The following UBE2E1 variants were observed in gnomAD, a reference collection of about 807,000 sequenced individuals.
UBE2E1 encodes ubiquitin-conjugating enzyme E2 E1.
Under a neutral mutation model 21.4 loss-of-function variants are expected in UBE2E1, and 6 were observed. That is an observed-to-expected ratio of 0.28 (90% CI 0.15 to 0.55). The LOEUF (loss-of-function observed/expected upper bound fraction) is 0.55. Ranked by LOEUF, UBE2E1 falls within the 20% of genes least tolerant of loss-of-function variation. UBE2E1 has a pLI of 0.93. For synonymous variants in UBE2E1, 87 were observed against 82.7 expected, an observed-to-expected ratio of 1.05 and a Z score of -0.28; for missense variants, 142 against 236.5, an observed-to-expected ratio of 0.60 and a Z score of 2.62.
rs1049162403 is a variant in UBE2E1, at chr3:23,810,135, C to T, written c.153-1325C>T. ...CGTATCCTTTGTGAATTAGATTGCTCTGTGTGTGTGTTTAAAATTTTTTTA... is the reference window on the plus strand; with the variant it reads ...CGTATCCTTTGTGAATTAGATTGCTTTGTGTGTGTGTTTAAAATTTTTTTA... On this transcript the variant is annotated intron_variant, in intron 2 of 5. Coordinates refer to ENST00000306627, the MANE Select transcript of UBE2E1 (RefSeq NM_003341.5). This position sits in a 1 kb window ranked among gnomAD's most constrained non-coding sequence, Gnocchi z 5.8. 1.3e-5 allele frequency among the ~76,000 whole-genome samples: 2 copies of T among 152,152 alleles called. No individual in the cohort carries two copies. The highest frequency in any genetic ancestry group is 1.9e-4 in the East Asian group (1 of 5,204).
intron 5 of UBE2E1, chr3:23,889,536 T>TTTC: frequency 7.2e-7 from 1 of 1,387,184 alleles, no homozygotes; most frequent in South Asian, 1.7e-5. Context: ...TCCTTTTTTT[T>TTTC]TCCTGTTGCT....
At chr3:23,837,541 C>CA (rs1230482562) in intron 3 of UBE2E1, among the ~76,000 whole-genome samples, 4 of 152,194 alleles carry the variant, frequency 2.6e-5, no homozygotes, top group Non-Finnish European at 5.9e-5. Context: ...CATCCCAGTC[C>CA]AACTTGCTAT....
At chr3:23,852,355 T>G (rs7617802) in intron 3 of UBE2E1, among the ~76,000 whole-genome samples, 2 of 152,224 alleles carry the variant, frequency 1.3e-5, no homozygotes, top group East Asian at 1.9e-4. Context: ...TTTATTCTTA[T>G]GTATTTTACT....
At chr3:23,889,869 TG>T in intron 5 of UBE2E1, 1 of 547,226 alleles carries the variant, frequency 1.8e-6, no homozygotes, top group Non-Finnish European at 2.3e-6. Context: ...CATTCCAGCC[TG>T]GGTGGCAAAG....
chr3:23,827,177 A>T (rs1699776056), intron 3 of UBE2E1, among the ~76,000 whole-genome samples: 1 of 151,654 alleles, frequency 6.6e-6, no homozygotes, highest in Admixed American at 6.6e-5. Context: ...ACCAAATAAT[A>T]AAAAAAATCA....
At chr3:23,844,165 C>A (rs1380155026) in intron 3 of UBE2E1, among the ~76,000 whole-genome samples, 1 of 152,144 alleles carries the variant, frequency 6.6e-6, no homozygotes, top group Non-Finnish European at 1.5e-5. Flanking sequence ...GAGCCCTCCC[C>A]TTCCCCCAGT....
intron 3 of UBE2E1, among the ~76,000 whole-genome samples, chr3:23,852,621 G>T (rs1050700993): frequency 1.3e-5 from 2 of 152,050 alleles, no homozygotes; most frequent in African/African-American, 4.8e-5. Context: ...TTGAGACAGG[G>T]TCTCACTTTG....
chr3:23,819,706 G>T (rs1400074761), intron 3 of UBE2E1, among the ~76,000 whole-genome samples: 1 of 152,178 alleles, frequency 6.6e-6, no homozygotes, highest in Non-Finnish European at 1.5e-5. Flanking sequence ...AGTGGAAATT[G>T]CTGGGGAAAT....
In UBE2E1 at chr3:23,863,662, C is replaced by T. The variant is rs2125315028; in HGVS notation, c.204-23905C>T. Among the ~76,000 whole-genome samples, 1 of 152,300 alleles carries T rather than the reference C, an allele frequency of 6.6e-6. No homozygotes were observed. Among genetic ancestry groups the T allele is most frequent in the Non-Finnish European group, 1.5e-5 (1 of 68,028 alleles). On this transcript the variant is annotated intron_variant, in intron 3 of 5. Transcript: ENST00000306627. This position sits in a 1 kb window ranked among gnomAD's most constrained non-coding sequence, Gnocchi z 4.3. ...TCTGCTGCCTCAGCCTCCCAAGTAG[C>T]TGAGATTACAGGCATGCGCCACCAC...
At chr3:23,846,989 C>T (rs575716105) in intron 3 of UBE2E1, among the ~76,000 whole-genome samples, 3 of 152,030 alleles carry the variant, frequency 2.0e-5, no homozygotes, top group East Asian at 1.9e-4. Context: ...TGTTATTACA[C>T]GTTTTAAGAA....
At chr3:23,873,606 C>G (rs1012311703) in intron 3 of UBE2E1, among the ~76,000 whole-genome samples, 2 of 152,148 alleles carry the variant, frequency 1.3e-5, no homozygotes, top group African/African-American at 4.8e-5. Context: ...ATTAGGCAGG[C>G]ATGGTGGCGT....
At chr3:23,864,249 A>G (rs1353927677) in intron 3 of UBE2E1, among the ~76,000 whole-genome samples, 1 of 151,122 alleles carries the variant, frequency 6.6e-6, no homozygotes, top group Non-Finnish European at 1.5e-5. Flanking sequence ...TTTCTTACAC[A>G]TTACTTTTTT....
At chr3:23,837,525 C>T (rs1342497714) in intron 3 of UBE2E1, among the ~76,000 whole-genome samples, 1 of 152,210 alleles carries the variant, frequency 6.6e-6, no homozygotes, top group East Asian at 1.9e-4. Flanking sequence ...GGACTGTTGC[C>T]TGCACCATCC....
At chr3:23,864,527 T>A (rs780879407) in intron 3 of UBE2E1, among the ~76,000 whole-genome samples, 1 of 152,226 alleles carries the variant, frequency 6.6e-6, no homozygotes, top group Non-Finnish European at 1.5e-5. Context: ...GTTTTTGAAA[T>A]CTTTTGTTTG....
chr3:23,817,355 G>A (rs1204811051), intron 3 of UBE2E1, among the ~76,000 whole-genome samples: 1 of 150,114 alleles, frequency 6.7e-6, no homozygotes, highest in Non-Finnish European at 1.5e-5. Flanking sequence ...CCTGGAGGCA[G>A]AGGTTGCAGT....
At position 23,825,553 on chromosome 3, in the gene UBE2E1, C is replaced by G. The variant is rs369770507; in HGVS notation, c.203+14043C>G. 1.9e-4 allele frequency among the ~76,000 whole-genome samples: 29 copies of G among 152,090 alleles called. No individual in the cohort carries two copies. In the East Asian group the frequency reaches 4.8e-3, roughly 25 times the overall value. On this transcript the variant is annotated intron_variant, in intron 3 of 5. Transcript: ENST00000306627. ...CAAAAGTAATTTCAGAAAACAGTAC[C>G]AAGAAATTAAAATAGAGTAAAATGG...
At chr3:23,841,907 T>G (rs900870351) in intron 3 of UBE2E1, among the ~76,000 whole-genome samples, 2 of 152,140 alleles carry the variant, frequency 1.3e-5, no homozygotes, top group Non-Finnish European at 2.9e-5. Context: ...AGAGTTCTAT[T>G]AGGAGAGAGA....
chr3:23,807,240 C>A lies in UBE2E1; in HGVS notation c.-30C>A, dbSNP rs764065201. Reference sequence around the variant, plus strand: ...TTTTGTTTCTCTCCCCCTGCAGGGGCTGTTTGCGGGGTGGGGTGGGGGGTT... The same window carrying A: ...TTTTGTTTCTCTCCCCCTGCAGGGGATGTTTGCGGGGTGGGGTGGGGGGTT... On this transcript the variant is annotated 5_prime_UTR_variant, in exon 2 of 6. In the 5' UTR this introduces an upstream ATG that the reference lacks. Coordinates refer to ENST00000306627, the MANE Select transcript of UBE2E1 (RefSeq NM_003341.5). The A allele has an allele frequency of 6.3e-7, 1 of 1,599,974 alleles. No individual in the cohort carries two copies. Among genetic ancestry groups the A allele is most frequent in the South Asian group, 1.1e-5 (1 of 89,896 alleles).
rs1700589523 is a variant in UBE2E1 at position 23,863,096 on chromosome 3, G to A, written c.204-24471G>A. Among the ~76,000 whole-genome samples, 1 of 148,992 alleles carries A rather than the reference G, an allele frequency of 6.7e-6. No individual in the cohort carries two copies. Among genetic ancestry groups the A allele is most frequent in the African/African-American group, 2.5e-5 (1 of 40,608 alleles). ...ACTATTCCCAGCATTTTGCTCTCTA[G>A]TGGCAACTACTTGTACCTCCTTGAG... On this transcript the variant is annotated intron_variant, in intron 3 of 5. Coordinates refer to ENST00000306627, the MANE Select transcript of UBE2E1 (RefSeq NM_003341.5). This position sits in a 1 kb window ranked among gnomAD's most constrained non-coding sequence, Gnocchi z 4.3.
Sources: allele counts gnomAD v4.1 joint callset (sites outside exome capture counted in the v4.1 genomes callset), GRCh38; gene constraint gnomAD v4.1.1; non-coding constraint Gnocchi (gnomAD v3.1); transcripts MANE v1.5; gene names NCBI Gene and HGNC (gene_info 2026-07-23, HGNC 2026-07-21).